Variants in KLF8 observed in about 807,000 individuals in gnomAD.
The protein encoded by KLF8 is Krueppel-like factor 8.
KLF8 carries 10 observed loss-of-function variants against 18.2 expected under a neutral mutation model. The ratio of observed to expected loss-of-function variants is 0.55; its 90% confidence interval spans 0.34 to 0.93. The LOEUF (loss-of-function observed/expected upper bound fraction) is 0.93, where lower values mean the gene tolerates loss of function less well. KLF8 is among the 40% of genes least tolerant of loss of function. The pLI, the probability that KLF8 is intolerant of heterozygous loss-of-function variation, is 0.02. For synonymous variants in KLF8, 109 were observed against 97.3 expected (o/e 1.12, Z -0.71); for missense variants, 264 against 277.9 (o/e 0.95, Z 0.36).
chrX:55,938,792 T>C, the KLF8 span, among the ~76,000 whole-genome samples: 2 of 111,369 alleles, frequency 1.8e-5, no homozygotes, highest in Non-Finnish European at 1.9e-5. Context: ...CATTACATAA[T>C]GGTAAAGGGA....
the KLF8 span, among the ~76,000 whole-genome samples, chrX:56,014,212 G>A: frequency 2.7e-5 from 3 of 112,276 alleles, no homozygotes. Context: ...TACAGAATGG[G>A]AGAAACTTTT....
At chrX:56,207,116 G>T in the KLF8 span, among the ~76,000 whole-genome samples, 6 of 112,475 alleles carry the variant, frequency 5.3e-5, no homozygotes, top group Non-Finnish European at 1.1e-4. Flanking sequence ...AAGCAGCAAG[G>T]CCCTGGGCCC....
the KLF8 span, among the ~76,000 whole-genome samples, chrX:56,196,281 A>C: frequency 8.9e-6 from 1 of 111,837 alleles, no homozygotes; most frequent in Admixed American, 9.5e-5. Flanking sequence ...AAAGACACAG[A>C]CTGGCAAATT....
intron 5 of KLF8, among the ~76,000 whole-genome samples, chrX:56,281,069 C>T (rs1255124932): frequency 8.9e-6 from 1 of 112,055 alleles, no homozygotes; most frequent in African/African-American, 3.2e-5. Flanking sequence ...TCTCTATTGT[C>T]AATGCATCCC....
the KLF8 span, among the ~76,000 whole-genome samples, chrX:56,198,190 C>A: frequency 1.8e-5 from 2 of 111,921 alleles, no homozygotes; most frequent in Non-Finnish European, 3.8e-5. Flanking sequence ...AGCAAGGATG[C>A]CCTCTCTCAG....
chrX:55,934,602 T>C, the KLF8 span, among the ~76,000 whole-genome samples: 2 of 112,309 alleles, frequency 1.8e-5, no homozygotes, highest in Non-Finnish European at 3.8e-5. Context: ...ATTTAGTTGC[T>C]CTCTATTTAG....
At chrX:56,141,918 C>G in the KLF8 span, among the ~76,000 whole-genome samples, 3 of 112,090 alleles carry the variant, frequency 2.7e-5, no homozygotes, top group Non-Finnish European at 3.8e-5. Flanking sequence ...AACTTCACCT[C>G]TCATGAATGC....
At chrX:55,925,584 A>G in the KLF8 span, among the ~76,000 whole-genome samples, 161 of 111,793 alleles carry the variant, frequency 1.4e-3, no homozygotes, top group Middle Eastern at 4.6e-3. Flanking sequence ...GGTGAGGCCC[A>G]TAAAGAAATA....
the KLF8 span, among the ~76,000 whole-genome samples, chrX:56,169,862 C>A: frequency 1.8e-5 from 2 of 111,268 alleles, no homozygotes; most frequent in African/African-American, 6.5e-5. Context: ...TAGCTAAGTA[C>A]TGGCTCAAGT....
intron 5 of KLF8, among the ~76,000 whole-genome samples, chrX:56,274,296 G>A (rs891983025): frequency 8.9e-6 from 1 of 111,935 alleles, no homozygotes; most frequent in African/African-American, 3.2e-5. Context: ...CTTTTCATAT[G>A]CCTGTTTATC....
chrX:56,195,498 A>T, the KLF8 span, among the ~76,000 whole-genome samples: 3 of 111,953 alleles, frequency 2.7e-5, no homozygotes, highest in Non-Finnish European at 5.6e-5. Flanking sequence ...TTGAAGATTA[A>T]ATTAATGAAA....
At chrX:56,239,373 G>C (rs1180451590) in intron 1 of KLF8, among the ~76,000 whole-genome samples, 1 of 111,831 alleles carries the variant, frequency 8.9e-6, no homozygotes, top group Non-Finnish European at 1.9e-5. Flanking sequence ...GCAAGAAATA[G>C]GATTTTTTTC....
chrX:55,914,641 C>T, the KLF8 span, among the ~76,000 whole-genome samples: 1 of 110,898 alleles, frequency 9.0e-6, no homozygotes, highest in South Asian at 3.8e-4. Context: ...ATATTTGAGT[C>T]TTGAAGGATA....
chrX:55,949,390 G>T, the KLF8 span, among the ~76,000 whole-genome samples: 2 of 106,139 alleles, frequency 1.9e-5, no homozygotes, highest in African/African-American at 6.8e-5. Context: ...GCTTTTAAAA[G>T]AATTAGTCAA....
chrX:56,157,797 G>C, the KLF8 span, among the ~76,000 whole-genome samples: 3 of 111,505 alleles, frequency 2.7e-5, no homozygotes, highest in Non-Finnish European at 5.7e-5. Context: ...TTAGCCCTTT[G>C]TCAGATGAGT....
chrX:56,127,484 G>A, the KLF8 span, among the ~76,000 whole-genome samples: 7 of 110,334 alleles, frequency 6.3e-5, no homozygotes, highest in Admixed American at 4.8e-4. Flanking sequence ...AACATGGTGA[G>A]ACCCTGTCTT....
chrX:56,146,556 C>G, the KLF8 span, among the ~76,000 whole-genome samples: 7 of 110,249 alleles, frequency 6.3e-5, 1 homozygote, highest in South Asian at 2.8e-3. Flanking sequence ...ACGCTGGGGC[C>G]TGTCTGGATG....
the KLF8 span, among the ~76,000 whole-genome samples, chrX:56,125,469 G>A: frequency 2.5e-3 from 276 of 112,211 alleles, no homozygotes; most frequent in Middle Eastern, 0.018. Flanking sequence ...ACAGGGCATG[G>A]ATAATGTAGC....
the KLF8 span, among the ~76,000 whole-genome samples, chrX:56,036,445 C>T: frequency 0.028 from 3,169 of 111,647 alleles, 121 homozygotes; most frequent in African/African-American, 0.099. Context: ...TGTCCTTTCC[C>T]CAATGAATGT....
Sources: gnomAD v4.1 joint callset for allele counts (sites outside exome capture counted in the v4.1 genomes callset) on GRCh38, gnomAD v4.1.1 for gene constraint, MANE v1.5 for transcripts, NCBI Gene and HGNC (gene_info 2026-07-23, HGNC 2026-07-21) for gene names.